The following ITGA9 variants were observed in gnomAD, a reference collection of about 807,000 sequenced individuals.
The protein encoded by ITGA9 is integrin alpha-9.
A neutral mutation model predicts 127.8 loss-of-function variants in ITGA9; 56 were observed. That is an observed-to-expected ratio of 0.44 (90% CI 0.35 to 0.55). ITGA9 has a LOEUF of 0.55. Ranked by LOEUF, ITGA9 falls within the 20% of genes least tolerant of loss-of-function variation. ITGA9 has a pLI of 0.00. For synonymous variants in ITGA9, 508 were observed against 514.5 expected (o/e 0.99, Z 0.17); for missense variants, 1,196 against 1,347.1 (o/e 0.89, Z 1.76).
intron 1 of ITGA9, among the ~76,000 whole-genome samples, chr3:37,458,048 T>A (rs1252738854): frequency 1.3e-5 from 2 of 152,278 alleles, no homozygotes; most frequent in Non-Finnish European, 2.9e-5. Flanking sequence ...CATGGTGTTC[T>A]CTGAAATTCC....
chr3:37,798,870 G>A (rs753842348), intron 26 of ITGA9, among the ~76,000 whole-genome samples: 21 of 151,928 alleles, frequency 1.4e-4, no homozygotes, highest in Non-Finnish European at 2.6e-4. Context: ...TCTTTGCCAC[G>A]TATTCACTAT....
chr3:37,620,548 A>C (rs1291372018), intron 15 of ITGA9, among the ~76,000 whole-genome samples: 1 of 152,174 alleles, frequency 6.6e-6, no homozygotes, highest in Non-Finnish European at 1.5e-5. Flanking sequence ...CATCTGAGAA[A>C]ACAAGCTCAG....
intron 17 of ITGA9, among the ~76,000 whole-genome samples, chr3:37,679,641 C>T (rs916744920): frequency 1.3e-5 from 2 of 152,148 alleles, no homozygotes; most frequent in Non-Finnish European, 2.9e-5. Flanking sequence ...TCACTGAACA[C>T]CTGCTAGGAG....
In ITGA9 at chr3:37,633,911, A is replaced by G. The variant is rs146567644; in HGVS notation, c.1839+4575A>G. 2.5e-3 allele frequency among the ~76,000 whole-genome samples: 384 copies of G among 152,338 alleles called. 1 individual carries two copies. The highest frequency in any genetic ancestry group is 8.6e-3 in the African/African-American group (359 of 41,572). On this transcript the variant is annotated intron_variant, in intron 16 of 27. Coordinates refer to ENST00000264741, the MANE Select transcript of ITGA9 (RefSeq NM_002207.3). ...TTGAAATATGGTTTCTACTGAATGC[A>G]TACTACCTTCACACCATTGTGAAGT...
At chr3:37,805,862 C>T (rs905574147) in intron 27 of ITGA9, 1 of 150,684 alleles carries the variant, frequency 6.6e-6, no homozygotes, top group Non-Finnish European at 1.5e-5. Flanking sequence ...TAGTAGAGAC[C>T]AGGTTTTGCC....
intron 4 of ITGA9, among the ~76,000 whole-genome samples, chr3:37,484,892 A>C (rs960021286): frequency 2.6e-5 from 4 of 152,236 alleles, no homozygotes; most frequent in South Asian, 2.1e-4. Flanking sequence ...ATATATGCTA[A>C]GCATATATAT....
At position 37,471,085 on chromosome 3, in the gene ITGA9, T is replaced by G. The variant is rs761749031; in HGVS notation, c.264T>G (p.Arg88=). The change falls in exon 2 of 28, where the codon CGT becomes CGG. Residue 88 remains arginine, a synonymous_variant. Transcript: ENST00000264741. ...CTCCTGGGGCTGTGTTTAAGTGCCG[T>G]GTTCACACCAACCCTGACCGGAGAT... is the stretch of plus-strand genomic sequence containing the variant. ...VKSPGAVFKC[R]VHTNPDRRCT... 3.1e-6 allele frequency: 5 copies of G among 1,614,160 alleles called. No individual in the cohort carries two copies. Among genetic ancestry groups the G allele is most frequent in the Non-Finnish European group, 4.2e-6 (5 of 1,180,028 alleles).
At chr3:37,737,011 C>T (rs1206800594) in intron 20 of ITGA9, 28 bp downstream of exon 20, 3 of 1,409,746 alleles carry the variant, frequency 2.1e-6, no homozygotes, top group Admixed American at 3.3e-5. Context: ...ACACTTTTTT[C>T]AAAGATGAGA....
At chr3:37,566,490 G>A (rs1036675371) in intron 15 of ITGA9, among the ~76,000 whole-genome samples, 2 of 152,184 alleles carry the variant, frequency 1.3e-5, no homozygotes, top group Non-Finnish European at 2.9e-5. Flanking sequence ...ATTATCAAAA[G>A]TAGGAAACTG....
intron 17 of ITGA9, among the ~76,000 whole-genome samples, chr3:37,667,486 G>A (rs2125654763): frequency 6.6e-6 from 1 of 152,330 alleles, no homozygotes; most frequent in Non-Finnish European, 1.5e-5. Context: ...TCCACAGGCA[G>A]AGAGGATAAG....
rs780484063 is a variant in ITGA9 at position 37,494,526 on chromosome 3, A to G, written c.570A>G (p.Glu190=). The stretch of plus-strand genomic sequence containing the variant: ...AGTATAAGAAGAAGTACGGAGAGGA[A>G]CACGGCTCCTGCCAGGCTGGGATAG... The part of the protein sequence containing the change: ...YEEYKKKYGE[E]HGSCQAGIAG... Residue 190 remains glutamate (E), a synonymous_variant, in exon 5 of 28, where the codon GAA becomes GAG. Transcript: ENST00000264741. 6.2e-7 allele frequency: 1 copy of G among 1,613,836 alleles called. No homozygotes were observed. The highest frequency in any genetic ancestry group is 2.2e-5 in the East Asian group (1 of 44,872).
At chr3:37,751,168 C>T (rs929980885) in intron 23 of ITGA9, among the ~76,000 whole-genome samples, 17 of 152,200 alleles carry the variant, frequency 1.1e-4, no homozygotes, top group Non-Finnish European at 1.5e-4. Context: ...GAAAACCAGA[C>T]GCATGTGAAT....
chr3:37,744,097 C>G (rs145336931), intron 22 of ITGA9, 63 bp downstream of exon 22: 7 of 1,098,336 alleles, frequency 6.4e-6, no homozygotes, highest in African/African-American at 3.1e-5. Flanking sequence ...TGGGATGTCT[C>G]TCCTACAGAG....
chr3:37,482,763 C>T (rs1460244513), intron 4 of ITGA9, among the ~76,000 whole-genome samples: 1 of 152,216 alleles, frequency 6.6e-6, no homozygotes, highest in Non-Finnish European at 1.5e-5. Flanking sequence ...GAGGCACAAA[C>T]CCTCTCCCCT....
intron 8 of ITGA9, among the ~76,000 whole-genome samples, chr3:37,511,453 G>T (rs2125574979): frequency 6.6e-6 from 1 of 152,336 alleles, no homozygotes; most frequent in African/African-American, 2.4e-5. Flanking sequence ...CACATATAGA[G>T]ATTTCTAATT....
At chr3:37,818,191 T>TAAAAAAAAAAAAAAAAAA (rs748381488) in intron 27 of ITGA9, 4 of 31,970 alleles carry the variant, frequency 1.3e-4, no homozygotes, top group East Asian at 1.8e-3. Context: ...TAAGACTCTC[T>TAAAAAAAAAAAAAAAAAA]AAAAAAAAAA....
At chr3:37,759,459 C>A (rs771663073) in intron 23 of ITGA9, among the ~76,000 whole-genome samples, 1 of 151,882 alleles carries the variant, frequency 6.6e-6, no homozygotes, top group Non-Finnish European at 1.5e-5. Context: ...GAACTAAAAT[C>A]AGTTTAAATA....
chr3:37,714,660 C>G (rs1701115542), intron 18 of ITGA9, among the ~76,000 whole-genome samples: 4 of 152,258 alleles, frequency 2.6e-5, no homozygotes, highest in Admixed American at 2.6e-4. Flanking sequence ...CTCCTGACCA[C>G]TAGCATCCAC....
At chr3:37,455,124 G>T (rs1246129439) in intron 1 of ITGA9, among the ~76,000 whole-genome samples, 1 of 152,194 alleles carries the variant, frequency 6.6e-6, no homozygotes, top group African/African-American at 2.4e-5. Flanking sequence ...TCCTAAGTCT[G>T]TACCTTAACT....
Sources: allele counts gnomAD v4.1 joint callset (sites outside exome capture counted in the v4.1 genomes callset), GRCh38; gene constraint gnomAD v4.1.1; transcripts MANE v1.5; gene names NCBI Gene and HGNC (gene_info 2026-07-23, HGNC 2026-07-21).